The following CNTN4 variants were observed in gnomAD, a reference collection of about 807,000 sequenced individuals.
CNTN4 encodes contactin-4.
CNTN4 carries 77 observed loss-of-function variants against 122.5 expected under a neutral mutation model. The observed-to-expected ratio is 0.63, with a 90% CI of 0.52 to 0.76. CNTN4 has a LOEUF of 0.76. Ranked by LOEUF, CNTN4 falls within the 30% of genes least tolerant of loss-of-function variation. The pLI is 0.00. For synonymous variants in CNTN4, 512 were observed against 447.0 expected, an observed-to-expected ratio of 1.15 and a Z score of -1.83; for missense variants, 1,256 against 1,259.1, an observed-to-expected ratio of 1.00 and a Z score of 0.04.
chr3:2,294,606 G>A (rs951774591), intron 2 of CNTN4, among the ~76,000 whole-genome samples: 1 of 152,074 alleles, frequency 6.6e-6, no homozygotes, highest in African/African-American at 2.4e-5. Flanking sequence ...ACCACAGCCT[G>A]GGTGACAGTG....
chr3:2,261,126 C>T (rs1048587192), intron 2 of CNTN4, among the ~76,000 whole-genome samples: 1 of 152,162 alleles, frequency 6.6e-6, no homozygotes, highest in Admixed American at 6.5e-5. Context: ...TAAATGAACA[C>T]ATCACATTTG....
intron 3 of CNTN4, 123 bp from the exon 4 acceptor site, chr3:2,571,293 C>T: frequency 1.6e-6 from 1 of 606,618 alleles, no homozygotes; most frequent in Admixed American, 2.9e-5. Context: ...ATGTCCCTTT[C>T]TTCCCCTCCA....
At position 2,764,926 on chromosome 3, in the gene CNTN4, G is replaced by A. The variant is rs533924589; in HGVS notation, c.358+19229G>A. ...TTGCCAAACTTCACACAGCTGGGAA[G>A]TTGAAGGGCTAGGGTATGATTCCAG... On this transcript the variant is annotated intron_variant, in intron 6 of 24. Transcript: ENST00000418658. 1.1e-4 allele frequency among the ~76,000 whole-genome samples: 16 copies of A among 152,330 alleles called. No homozygotes were observed. In the South Asian group the frequency reaches 3.1e-3, roughly 30 times the overall value.
At position 2,324,908 on chromosome 3, in the gene CNTN4, T is replaced by C. The variant is rs148598084; in HGVS notation, c.-144-14270T>C. ...TTTATTTAGTACTCTGAAGACAAAA[T>C]GAAGCTGCAATTTCTTTTTGAAAAT... is the stretch of plus-strand genomic sequence containing the variant. On this transcript the variant is annotated intron_variant, in intron 2 of 24. Transcript: ENST00000418658. 4.7e-4 allele frequency among the ~76,000 whole-genome samples: 72 copies of C among 152,168 alleles called. 2 individuals carry two copies. The highest frequency in any genetic ancestry group is 3.7e-3 in the East Asian group (19 of 5,166).
intron 3 of CNTN4, among the ~76,000 whole-genome samples, chr3:2,360,845 A>T (rs1411794921): frequency 1.3e-5 from 2 of 152,234 alleles, no homozygotes; most frequent in Non-Finnish European, 2.9e-5. Context: ...TTACAATTCA[A>T]GATGAGATTT....
intron 3 of CNTN4, among the ~76,000 whole-genome samples, chr3:2,413,832 C>T (rs1158453828): frequency 1.3e-5 from 2 of 152,184 alleles, no homozygotes; most frequent in South Asian, 2.1e-4. Context: ...TGAGCCACTG[C>T]GCCCGGCCCA....
chr3:2,666,583 G>GTTATTTTT (rs1553605775), intron 4 of CNTN4, among the ~76,000 whole-genome samples: 2 of 120,812 alleles, frequency 1.7e-5, no homozygotes, highest in East Asian at 2.4e-4. Context: ...GGAATAAAAT[G>GTTATTTTT]TTCTTTTTTT....
At chr3:3,037,040 C>T in intron 17 of CNTN4, 139 bp from the exon 18 acceptor site, 4 of 957,856 alleles carry the variant, frequency 4.2e-6, no homozygotes, top group South Asian at 1.3e-5. Context: ...ACTGTTGATG[C>T]AGCTAATATC....
intron 3 of CNTN4, among the ~76,000 whole-genome samples, chr3:2,474,330 T>C (rs1182253110): frequency 2.0e-5 from 3 of 152,180 alleles, no homozygotes; most frequent in Non-Finnish European, 4.4e-5. Context: ...CTAGCACTTC[T>C]TGAACACTCA....
Position 2,143,444 on chromosome 3 carries a change from A to G in CNTN4, c.-145+42805A>G, listed in dbSNP as rs188219490. Among the ~76,000 whole-genome samples, 156 of 152,316 alleles carry G rather than the reference A, an allele frequency of 1.0e-3. 1 individual carries two copies. Among genetic ancestry groups the G allele is most frequent in the African/African-American group, 3.5e-3 (147 of 41,570 alleles). ...ATTATCAGATTCATATTCTCCTTAG[A>G]TAATTAATAATTAATCACATTATTA... is the stretch of plus-strand genomic sequence containing the variant. On this transcript the variant is annotated intron_variant, in intron 2 of 24. Transcript: ENST00000418658.
In CNTN4 at chr3:2,404,789, A is replaced by T. The variant is rs558769704; in HGVS notation, c.-89+65556A>T. Among the ~76,000 whole-genome samples, 9 of 152,002 alleles carry T rather than the reference A, an allele frequency of 5.9e-5. No individual in the cohort carries two copies. In the East Asian group the frequency reaches 1.7e-3, roughly 29 times the overall value. On this transcript the variant is annotated intron_variant, in intron 3 of 24. Transcript: ENST00000418658. ...AGAATTCGGCCTATAACATCTCAGT[A>T]TTTTTTTTCTTTTTGCATTAAGCAT...
chr3:2,235,825 C>G (rs1452200597), intron 2 of CNTN4, among the ~76,000 whole-genome samples: 1 of 152,010 alleles, frequency 6.6e-6, no homozygotes, highest in Non-Finnish European at 1.5e-5. Flanking sequence ...ACTTAACACC[C>G]AGGTTTTCAA....
chr3:3,005,501 A>G (rs1312267751), intron 14 of CNTN4, among the ~76,000 whole-genome samples: 1 of 152,180 alleles, frequency 6.6e-6, no homozygotes, highest in African/African-American at 2.4e-5. Flanking sequence ...ATTCAGCCAA[A>G]TTATTTGCCA....
intron 3 of CNTN4, among the ~76,000 whole-genome samples, chr3:2,378,424 C>T (rs975289680): frequency 1.9e-4 from 29 of 152,164 alleles, no homozygotes; most frequent in African/African-American, 5.8e-4. Flanking sequence ...AGTCCCATTG[C>T]GTTTTTTGGC....
chr3:2,499,941 C>G (rs2076551781), intron 3 of CNTN4, among the ~76,000 whole-genome samples: 1 of 151,954 alleles, frequency 6.6e-6, no homozygotes, highest in Admixed American at 6.6e-5. Context: ...TATGCAGATC[C>G]CATGCAAGTT....
intron 3 of CNTN4, among the ~76,000 whole-genome samples, chr3:2,387,513 C>CT (rs201480408): frequency 0.022 from 3,309 of 152,018 alleles, 64 homozygotes; most frequent in Non-Finnish European, 0.036. Flanking sequence ...ATGCAGTTGG[C>CT]TTTTTTATTG....
At chr3:2,203,080 C>T (rs1010611825) in intron 2 of CNTN4, among the ~76,000 whole-genome samples, 4 of 151,826 alleles carry the variant, frequency 2.6e-5, no homozygotes, top group South Asian at 2.1e-4. Context: ...GTTGTCTGCC[C>T]GCCTCAGCCT....
chr3:2,771,320 C>T (rs1413072983), intron 6 of CNTN4, among the ~76,000 whole-genome samples: 1 of 152,188 alleles, frequency 6.6e-6, no homozygotes, highest in Admixed American at 6.5e-5. Context: ...GGTACTCTCT[C>T]TATGTGAAGC....
chr3:2,863,297 T>G (rs2093688998), intron 7 of CNTN4, among the ~76,000 whole-genome samples: 1 of 152,146 alleles, frequency 6.6e-6, no homozygotes. Context: ...GGCCAACATG[T>G]TCTCACCAGT....
Sources: allele counts gnomAD v4.1 joint callset (sites outside exome capture counted in the v4.1 genomes callset), GRCh38; gene constraint gnomAD v4.1.1; transcripts MANE v1.5; gene names NCBI Gene and HGNC (gene_info 2026-07-23, HGNC 2026-07-21).